The following CSMD1 variants were observed in gnomAD, a reference collection of about 807,000 sequenced individuals.
CSMD1 encodes CUB and sushi domain-containing protein 1.
A neutral mutation model predicts 417.5 loss-of-function variants in CSMD1; 213 were observed. The ratio of observed to expected loss-of-function variants is 0.51; its 90% CI spans 0.46 to 0.57. The LOEUF (loss-of-function observed/expected upper bound fraction) is 0.57, where lower values mean the gene tolerates loss of function less well. Among genes scored for constraint, CSMD1 ranks in the 20% least tolerant of loss-of-function variants. CSMD1 has a pLI of 0.00. For synonymous variants in CSMD1, 2,862 were observed against 1,736.8 expected (o/e 1.65, Z -16.11); for missense variants, 6,923 against 4,529.7 (o/e 1.53, Z -15.17).
At chr8:4,932,597 G>A (rs955915538) in intron 1 of CSMD1, among the ~76,000 whole-genome samples, 1 of 152,134 alleles carries the variant, frequency 6.6e-6, no homozygotes, top group East Asian at 1.9e-4. Context: ...CAGGATTTTG[G>A]CAAATAGACC....
chr8:3,576,105 C>T (rs1459155174), intron 9 of CSMD1, among the ~76,000 whole-genome samples: 3 of 152,020 alleles, frequency 2.0e-5, no homozygotes, highest in Admixed American at 2.0e-4. Context: ...TTAACCCTTT[C>T]TTCAAGTCAG....
At chr8:4,685,665 C>CA (rs1448732482) in intron 1 of CSMD1, among the ~76,000 whole-genome samples, 1 of 152,118 alleles carries the variant, frequency 6.6e-6, no homozygotes, top group Non-Finnish European at 1.5e-5. Context: ...TCACAGGAAA[C>CA]AAAATCAATT....
At chr8:3,354,879 C>CTATAGATATGTCTATCTATAGATCTATA (rs1808655766) in intron 21 of CSMD1, among the ~76,000 whole-genome samples, 1 of 142,606 alleles carries the variant, frequency 7.0e-6, no homozygotes, top group Non-Finnish European at 1.5e-5. Context: ...ATACATATAT[C>CTATAGATATGTCTATCTATAGATCTATA]TATAGATATG....
chr8:3,045,446 T>C lies in CSMD1; in HGVS notation c.7660+7016A>G, dbSNP rs1289685301. Among the ~76,000 whole-genome samples, 77 of 152,324 alleles carry C rather than the reference T, an allele frequency of 5.1e-4. 1 individual carries two copies. Among genetic ancestry groups the C allele is most frequent in the Non-Finnish European group, 5.9e-5 (4 of 68,024 alleles). On this transcript the variant is annotated intron_variant, in intron 50 of 69. Coordinates refer to ENST00000635120, the MANE Select transcript of CSMD1 (RefSeq NM_033225.6). ...CTTAAGCCCTGTCATATGTTTTACATAGGCACAAAACCGTTCTATTGATTG... is the reference window on the plus strand; with the variant it reads ...CTTAAGCCCTGTCATATGTTTTACACAGGCACAAAACCGTTCTATTGATTG...
intron 3 of CSMD1, among the ~76,000 whole-genome samples, chr8:4,359,273 C>G (rs1801615084): frequency 6.6e-6 from 1 of 152,218 alleles, no homozygotes; most frequent in African/African-American, 2.4e-5. Flanking sequence ...ATATTTAATT[C>G]AATAGATATA....
intron 2 of CSMD1, among the ~76,000 whole-genome samples, chr8:4,612,569 G>T (rs945775189): frequency 6.6e-6 from 1 of 152,122 alleles, no homozygotes; most frequent in African/African-American, 2.4e-5. Context: ...AGGAACAGTG[G>T]AATGAATGTG....
chr8:4,319,438 T>C (rs1158969262), intron 3 of CSMD1, among the ~76,000 whole-genome samples: 3 of 152,062 alleles, frequency 2.0e-5, no homozygotes, highest in Non-Finnish European at 4.4e-5. Flanking sequence ...TACACTTCTT[T>C]CCAAAATCCA....
chr8:3,696,064 T>G (rs1444087503), intron 7 of CSMD1, among the ~76,000 whole-genome samples: 1 of 151,850 alleles, frequency 6.6e-6, no homozygotes, highest in African/African-American at 2.4e-5. Context: ...GTTAAGATTT[T>G]CTTATGGGGG....
chr8:3,198,431 A>C (rs1278609642), intron 33 of CSMD1, among the ~76,000 whole-genome samples: 2 of 152,252 alleles, frequency 1.3e-5, no homozygotes, highest in African/African-American at 4.8e-5. Flanking sequence ...TTGTTTCAAC[A>C]GGCCACTCTC....
chr8:3,395,167 G>C (rs910557756), intron 17 of CSMD1, among the ~76,000 whole-genome samples: 7 of 152,134 alleles, frequency 4.6e-5, no homozygotes, highest in African/African-American at 1.2e-4. Context: ...GCATGCATTT[G>C]TAAAATCATA....
At chr8:3,152,093 C>A (rs1322046192) in intron 39 of CSMD1, among the ~76,000 whole-genome samples, 1 of 152,212 alleles carries the variant, frequency 6.6e-6, no homozygotes, top group Non-Finnish European at 1.5e-5. Context: ...AGCCACCACA[C>A]ATGACTGTCA....
At chr8:3,961,781 T>C (rs554472886) in intron 5 of CSMD1, among the ~76,000 whole-genome samples, 2 of 152,306 alleles carry the variant, frequency 1.3e-5, no homozygotes, top group African/African-American at 4.8e-5. Context: ...GCTTTGATAA[T>C]GGTGCACTGG....
chr8:4,249,046 G>T (rs1428543644), intron 3 of CSMD1, among the ~76,000 whole-genome samples: 1 of 152,116 alleles, frequency 6.6e-6, no homozygotes, highest in Non-Finnish European at 1.5e-5. Context: ...GCTACTCAAT[G>T]AATTTACTAT....
chr8:3,388,487 A>T (rs946127543), intron 17 of CSMD1, among the ~76,000 whole-genome samples: 1 of 152,254 alleles, frequency 6.6e-6, no homozygotes, highest in Non-Finnish European at 1.5e-5. Context: ...TCCTCTCAGT[A>T]AACATCAGAA....
At chr8:4,885,127 G>A (rs1278552013) in intron 1 of CSMD1, among the ~76,000 whole-genome samples, 3 of 151,870 alleles carry the variant, frequency 2.0e-5, no homozygotes, top group Non-Finnish European at 4.4e-5. Context: ...AATTTTATTT[G>A]CAGAGTCTCA....
At chr8:3,942,348 G>T (rs144990642) in intron 5 of CSMD1, among the ~76,000 whole-genome samples, 4 of 152,032 alleles carry the variant, frequency 2.6e-5, no homozygotes, top group African/African-American at 9.7e-5. Context: ...GGTGTCAGGC[G>T]CCAAAATGGT....
intron 3 of CSMD1, among the ~76,000 whole-genome samples, chr8:4,291,307 G>A (rs1251103454): frequency 6.6e-6 from 1 of 151,996 alleles, no homozygotes; most frequent in Non-Finnish European, 1.5e-5. Context: ...ATATTTAAAA[G>A]CTAGGGATAA....
At chr8:3,127,455 C>A (rs1051733954) in intron 41 of CSMD1, 3 of 152,136 alleles carry the variant, frequency 2.0e-5, no homozygotes, top group Admixed American at 6.5e-5. Context: ...TCACATAATT[C>A]AGAATGAATT....
intron 52 of CSMD1, among the ~76,000 whole-genome samples, chr8:3,004,305 A>G (rs1427859231): frequency 6.6e-6 from 1 of 152,202 alleles, no homozygotes; most frequent in African/African-American, 2.4e-5. Flanking sequence ...AATGTCTCCA[A>G]CAGGCAATTG....
Sources: gnomAD v4.1 joint callset for allele counts (sites outside exome capture counted in the v4.1 genomes callset) on GRCh38, gnomAD v4.1.1 for gene constraint, MANE v1.5 for transcripts, NCBI Gene and HGNC (gene_info 2026-07-23, HGNC 2026-07-21) for gene names.